Variants in WDR76 observed in about 807,000 individuals in gnomAD.
WDR76 encodes WD repeat domain 76.
A neutral mutation model predicts 70.2 loss-of-function variants in WDR76; 52 were observed. The observed-to-expected ratio is 0.74, with a 90% CI of 0.59 to 0.93. The LOEUF (loss-of-function observed/expected upper bound fraction) is 0.93. Among genes scored for constraint, WDR76 ranks in the 40% least tolerant of loss-of-function variants. WDR76 has a pLI of 0.00. For synonymous variants in WDR76, 292 were observed against 271.1 expected (o/e 1.08, Z -0.76); for missense variants, 756 against 760.2 (o/e 0.99, Z 0.07).
intron 9 of WDR76, among the ~76,000 whole-genome samples, chr15:43,853,060 T>C (rs1263136306): frequency 6.6e-6 from 1 of 152,160 alleles, no homozygotes; most frequent in Non-Finnish European, 1.5e-5. Flanking sequence ...GGCTAATTTT[T>C]GTATTTTTAG....
chr15:43,828,415 G>T, intron 2 of WDR76, 49 bp downstream of exon 2: 1 of 1,528,648 alleles, frequency 6.5e-7, no homozygotes, highest in South Asian at 1.3e-5. Context: ...TTTGAAATTT[G>T]AAGTTCTGAT....
rs377468523 is a variant in WDR76, at chr15:43,829,497, CA to C, written c.462+1132del. 3.2e-3 allele frequency among the ~76,000 whole-genome samples: 403 copies of C among 125,328 alleles called. 4 individuals are homozygous for C. The highest frequency in any genetic ancestry group is 0.011 in the African/African-American group (390 of 35,668). The allele number at this position is 125,328 out of a possible 152,430, so 82.2% of individuals were successfully genotyped here. On this transcript the variant is annotated intron_variant, in intron 2 of 12. Coordinates refer to ENST00000263795, the MANE Select transcript of WDR76 (RefSeq NM_024908.4). Reference sequence around the variant, plus strand: ...CTTGGGGTTGAGAGCCTAGCATGGCCACTTTTTTTTTTTTTTTTTTTTTTTT... The same window carrying C: ...CTTGGGGTTGAGAGCCTAGCATGGCCCTTTTTTTTTTTTTTTTTTTTTTTT...
chr15:43,828,428 A>G, intron 2 of WDR76, 62 bp downstream of exon 2: 1 of 1,509,392 alleles, frequency 6.6e-7, no homozygotes, highest in Non-Finnish European at 8.8e-7. Context: ...GTTCTGATAA[A>G]TCGAAGTTTT....
chr15:43,844,161 T>G, intron 8 of WDR76, 107 bp downstream of exon 8: 1 of 1,091,432 alleles, frequency 9.2e-7, no homozygotes, highest in Non-Finnish European at 1.2e-6. Flanking sequence ...AGACTTACAA[T>G]TTTGGGCTTT....
chr15:43,839,651 C>T lies in WDR76; in HGVS notation c.655C>T (p.Arg219Ter), dbSNP rs766455715. Residue 219 changes from arginine to a stop codon, truncating the protein, a stop_gained, in exon 5 of 13, where the codon CGA (arginine) becomes TGA (stop). Transcript: ENST00000263795. LOFTEE classifies it high-confidence loss of function. ...TGGGATTGGATGTAGAAGGTCAATG[C>T]GATTACTAAAAGTTGATCCTTCGGG... ...ENGIGCRRSM[R>*]LLKVDPSGVS... 2.5e-5 allele frequency: 40 copies of T among 1,612,414 alleles called. No individual in the cohort carries two copies. The highest frequency in any genetic ancestry group is 3.2e-5 in the Non-Finnish European group (38 of 1,179,046).
Position 43,827,987 on chromosome 15 carries a change from A to C in WDR76, c.83A>C (p.Gln28Pro). ...TAGGTAAATGAATATAAAGAAAATCAAAACATCGCTTATGTGTCTCTGAGA... is the reference window on the plus strand; with the variant it reads ...TAGGTAAATGAATATAAAGAAAATCCAAACATCGCTTATGTGTCTCTGAGA... The part of the protein sequence containing the change: ...QMKVNEYKEN[Q>P]NIAYVSLRPA... The change falls in exon 2 of 13, where the codon CAA (glutamine) becomes CCA (proline). Residue 28 changes from glutamine (Q) to proline (P), a missense_variant. Gln to Pro is a moderately conservative substitution (Grantham distance 76). Coordinates refer to ENST00000263795, the MANE Select transcript of WDR76 (RefSeq NM_024908.4). The C allele has an allele frequency of 6.2e-7, 1 of 1,604,488 alleles. No individual in the cohort carries two copies. Among genetic ancestry groups the C allele is most frequent in the Non-Finnish European group, 8.5e-7 (1 of 1,177,568 alleles).
chr15:43,858,019 G>A (rs2087951265), intron 10 of WDR76, among the ~76,000 whole-genome samples: 2 of 122,276 alleles, frequency 1.6e-5, no homozygotes, highest in East Asian at 5.5e-4. Context: ...TGCAACCTCC[G>A]CCTCCCAGGT....
intron 4 of WDR76, among the ~76,000 whole-genome samples, chr15:43,839,369 GTAT>G (rs1441912485): frequency 6.6e-6 from 1 of 152,076 alleles, no homozygotes; most frequent in Non-Finnish European, 1.5e-5. Context: ...TTATGGCTGC[GTAT>G]TATTCTATTA....
In WDR76 at chr15:43,836,129, T is replaced by C. The variant is rs368987770; in HGVS notation, c.553-32T>C. On this transcript the variant is annotated intron_variant, in intron 3 of 12. Coordinates refer to ENST00000263795, the MANE Select transcript of WDR76 (RefSeq NM_024908.4). The stretch of plus-strand genomic sequence containing the variant: ...TTTTAAAAGGTAAGATACGTAGTTA[T>C]AACATTTTTACATGATTTTTATACT... The C allele has an allele frequency of 1.7e-5, 27 of 1,591,694 alleles. 1 individual carries two copies. The South Asian group carries it at 1.8e-4, about 11-fold the overall frequency.
rs1248177924 is a variant in WDR76, at chr15:43,847,987, G to T, written c.1033-3100G>T. Among the ~76,000 whole-genome samples, 6 of 152,094 alleles carry T rather than the reference G, an allele frequency of 3.9e-5. No individual in the cohort carries two copies. In the East Asian group the frequency reaches 1.2e-3, roughly 29 times the overall value. The stretch of plus-strand genomic sequence containing the variant: ...CTCATGCTTGTAATTCCAGGGCTTT[G>T]GGAAGTCAAGGCAGGAGGATGGCTT... On this transcript the variant is annotated intron_variant, in intron 8 of 12. Transcript: ENST00000263795.
chr15:43,842,567 T>C (rs2087738922), intron 6 of WDR76, 51 bp downstream of exon 6: 2 of 1,584,328 alleles, frequency 1.3e-6, no homozygotes. Context: ...TAAGGAAATA[T>C]ATATATATGT....
intron 8 of WDR76, among the ~76,000 whole-genome samples, chr15:43,846,747 C>T (rs763511075): frequency 2.6e-5 from 4 of 151,578 alleles, no homozygotes; most frequent in African/African-American, 2.4e-5. Context: ...TACAGCCGGA[C>T]GCGGTGGCTC....
In WDR76 at chr15:43,844,003, A is replaced by C. The variant is rs1205931617; in HGVS notation, c.981A>C (p.Arg327Ser). ...FSMALHPSET[R>S]TLVAVGAKFG... ...TGGCTCTCCATCCATCAGAAACTAG[A>C]ACTTTGGTAGCAGTTGGGGCCAAAT... is the stretch of plus-strand genomic sequence containing the variant. Residue 327 changes from arginine (R) to serine (S), a missense_variant, in exon 8 of 13, where the codon AGA becomes AGC. Transcript: ENST00000263795. The C allele has an allele frequency of 6.2e-7, 1 of 1,613,764 alleles. No homozygotes were observed. Among genetic ancestry groups the C allele is most frequent in the African/African-American group, 1.3e-5 (1 of 74,922 alleles).
chr15:43,863,664 G>C (rs2088034341), intron 12 of WDR76, among the ~76,000 whole-genome samples: 2 of 151,884 alleles, frequency 1.3e-5, no homozygotes, highest in Admixed American at 1.3e-4. Context: ...GACTTGAGCA[G>C]TCCTCTTGCC....
chr15:43,851,518 G>A (rs2087859489), intron 9 of WDR76, among the ~76,000 whole-genome samples: 1 of 152,188 alleles, frequency 6.6e-6, no homozygotes. Flanking sequence ...ATGAGCTTAT[G>A]CAGATAAAGT....
At chr15:43,864,495 C>G (rs956946418) in intron 12 of WDR76, among the ~76,000 whole-genome samples, 2 of 152,006 alleles carry the variant, frequency 1.3e-5, no homozygotes, top group Admixed American at 6.6e-5. Context: ...TTGCATTTCA[C>G]TGATTAGTGA....
intron 10 of WDR76, 31 bp downstream of exon 10, chr15:43,857,194 A>G (rs1460185289): frequency 6.4e-7 from 1 of 1,563,000 alleles, no homozygotes; most frequent in Admixed American, 1.9e-5. Context: ...TATGACTTAG[A>G]CCTTTTAATG....
intron 11 of WDR76, among the ~76,000 whole-genome samples, chr15:43,860,988 A>G (rs781275584): frequency 1.5e-5 from 2 of 129,754 alleles, no homozygotes; most frequent in African/African-American, 3.1e-5. Flanking sequence ...TAGAGTGATC[A>G]TAGCTTAGTG....
chr15:43,830,288 C>G (rs1476807135), intron 2 of WDR76, among the ~76,000 whole-genome samples: 3 of 152,078 alleles, frequency 2.0e-5, no homozygotes, highest in Admixed American at 6.6e-5. Flanking sequence ...AGAAGTCAGG[C>G]TCGGTGGCTC....
Sources: allele counts gnomAD v4.1 joint callset (sites outside exome capture counted in the v4.1 genomes callset), GRCh38; gene constraint gnomAD v4.1.1; transcripts MANE v1.5; gene names NCBI Gene and HGNC (gene_info 2026-07-23, HGNC 2026-07-21).